PDE4D: variants seen among roughly 807,000 people sequenced by gnomAD.
The protein encoded by PDE4D is 3',5'-cyclic-AMP phosphodiesterase 4D.
Under a neutral mutation model 87.4 loss-of-function variants are expected in PDE4D, and 24 were observed. The ratio of observed to expected loss-of-function variants is 0.27; its 90% CI spans 0.20 to 0.39. PDE4D has a LOEUF of 0.39. Among genes scored for constraint, PDE4D ranks in the 10% least tolerant of loss-of-function variants. The probability of loss-of-function intolerance (pLI) is 1.00; values close to 1 mark genes in which losing one functional copy is unlikely to be tolerated. For missense variants in PDE4D, 714 were observed against 1,041.0 expected (o/e 0.69, Z 4.32); for synonymous variants, 384 against 383.2 (o/e 1.00, Z -0.02).
At chr5:59,356,201 C>G (rs766511399) in intron 1 of PDE4D, among the ~76,000 whole-genome samples, 1 of 152,116 alleles carries the variant, frequency 6.6e-6, no homozygotes, top group African/African-American at 2.4e-5. Context: ...TGTTGTAAAA[C>G]AGTCATTGAC....
At chr5:59,867,087 T>C (rs925201010) in intron 1 of PDE4D, among the ~76,000 whole-genome samples, 1 of 152,162 alleles carries the variant, frequency 6.6e-6, no homozygotes, top group African/African-American at 2.4e-5. Context: ...ACAGGTCACC[T>C]ATATCTGGGA....
intron 3 of PDE4D, among the ~76,000 whole-genome samples, chr5:59,930,117 G>A (rs1406684890): frequency 5.2e-5 from 7 of 134,072 alleles, no homozygotes; most frequent in South Asian, 2.6e-4. Context: ...AGCCGAGATC[G>A]TGCCACTGCA....
chr5:60,013,662 T>C (rs137903643), intron 2 of PDE4D, among the ~76,000 whole-genome samples: 1 of 152,296 alleles, frequency 6.6e-6, no homozygotes. Flanking sequence ...GTGTGAGAGA[T>C]TGTTATATGG....
At chr5:60,415,587 C>T (rs1048515757) in intron 1 of PDE4D, among the ~76,000 whole-genome samples, 3 of 152,222 alleles carry the variant, frequency 2.0e-5, no homozygotes, top group African/African-American at 7.2e-5. Flanking sequence ...CAGTGAGGGG[C>T]TTAGCACCTG....
At chr5:59,029,617 T>A (rs1397150209) in intron 6 of PDE4D, among the ~76,000 whole-genome samples, 4 of 151,962 alleles carry the variant, frequency 2.6e-5, no homozygotes, top group Non-Finnish European at 5.9e-5. Context: ...TTCAATGCAG[T>A]TCCTCTATTG....
chr5:59,380,241 T>G (rs1582257864), intron 1 of PDE4D, among the ~76,000 whole-genome samples: 2 of 151,706 alleles, frequency 1.3e-5, no homozygotes, highest in African/African-American at 4.8e-5. Context: ...CACAACATAA[T>G]TCAAAATAAC....
chr5:59,926,921 A>G (rs1755354971), intron 3 of PDE4D, among the ~76,000 whole-genome samples: 1 of 152,206 alleles, frequency 6.6e-6, no homozygotes, highest in Non-Finnish European at 1.5e-5. Flanking sequence ...TGATGGCCTC[A>G]CTGCTGCATT....
At chr5:60,425,179 A>G (rs1743576911) in intron 1 of PDE4D, among the ~76,000 whole-genome samples, 1 of 152,162 alleles carries the variant, frequency 6.6e-6, no homozygotes, top group Admixed American at 6.5e-5. Flanking sequence ...AATGGAAAAA[A>G]CTACTTTAAA....
intron 1 of PDE4D, among the ~76,000 whole-genome samples, chr5:59,455,030 AGC>A (rs1799707066): frequency 6.6e-6 from 1 of 152,216 alleles, no homozygotes; most frequent in East Asian, 1.9e-4. Context: ...TTATAAGGGA[AGC>A]AGAGCACAAA....
intron 2 of PDE4D, among the ~76,000 whole-genome samples, chr5:60,003,846 A>C (rs1026983403): frequency 1.3e-5 from 2 of 152,198 alleles, no homozygotes; most frequent in Non-Finnish European, 2.9e-5. Flanking sequence ...AGAACAATGG[A>C]ACAGAATAGA....
In PDE4D at chr5:59,802,555, C is replaced by T. The variant is rs529528678; in HGVS notation, c.455+90613G>A. On this transcript the variant is annotated intron_variant, in intron 1 of 14. Transcript: ENST00000340635. The stretch of plus-strand genomic sequence containing the variant: ...CTGGGATTACAGGTGCAAACCACCA[C>T]GCTCAGCTAATTTTTGTATTTTTAG... 1.4e-4 allele frequency among the ~76,000 whole-genome samples: 22 copies of T among 151,926 alleles called. 1 individual carries two copies. Among genetic ancestry groups the T allele is most frequent in the African/African-American group, 3.9e-4 (16 of 41,426 alleles).
intron 6 of PDE4D, 28 bp downstream of exon 6, chr5:59,038,831 C>A (rs776954043): frequency 6.9e-7 from 1 of 1,455,842 alleles, no homozygotes; most frequent in Non-Finnish European, 9.1e-7. Context: ...AGCCTGGGGG[C>A]ACCAGTGACA....
chr5:59,890,198 C>T (rs1157831684), intron 1 of PDE4D, among the ~76,000 whole-genome samples: 1 of 151,208 alleles, frequency 6.6e-6, no homozygotes, highest in East Asian at 2.0e-4. Flanking sequence ...GAGACATTAA[C>T]TTGATAGACT....
chr5:60,450,468 A>G (rs2150150611), intron 1 of PDE4D, among the ~76,000 whole-genome samples: 1 of 152,246 alleles, frequency 6.6e-6, no homozygotes, highest in Non-Finnish European at 1.5e-5. Context: ...TAGTTGTTTT[A>G]CTTGGAGAAG....
intron 2 of PDE4D, among the ~76,000 whole-genome samples, chr5:60,088,090 T>C (rs1407788155): frequency 6.6e-6 from 1 of 152,050 alleles, no homozygotes; most frequent in Non-Finnish European, 1.5e-5. Flanking sequence ...AGAAGTGAGA[T>C]GCTATATTCA....
chr5:59,091,051 A>G lies in PDE4D; in HGVS notation c.809-52080T>C, dbSNP rs527623092. ...AACAACAAAAACAAATACAATTCAA[A>G]TATCTACTAAACATATGAAGGAGTA... is the stretch of plus-strand genomic sequence containing the variant. On this transcript the variant is annotated intron_variant, in intron 5 of 14. Transcript: ENST00000340635. The G allele has an allele frequency of 3.5e-5, 15 of 433,280 alleles. 1 individual carries two copies. Among genetic ancestry groups the G allele is most frequent in the South Asian group, 2.2e-4 (13 of 59,222 alleles). 26.8% of individuals were successfully genotyped at this position (433,280 alleles called of 1,614,324 possible).
intron 2 of PDE4D, among the ~76,000 whole-genome samples, chr5:60,102,314 G>T (rs537702538): frequency 1.8e-4 from 28 of 151,930 alleles, no homozygotes; most frequent in Non-Finnish European, 3.5e-4. Context: ...TGTTACATGG[G>T]AGTATTGTGT....
chr5:59,178,621 C>T (rs1443947715), intron 5 of PDE4D, among the ~76,000 whole-genome samples: 1 of 152,148 alleles, frequency 6.6e-6, no homozygotes, highest in African/African-American at 2.4e-5. Context: ...GATGGCTGGG[C>T]AGCTGCCCTG....
chr5:60,315,135 T>A (rs1018874194), intron 1 of PDE4D, among the ~76,000 whole-genome samples: 3 of 152,172 alleles, frequency 2.0e-5, no homozygotes, highest in African/African-American at 7.2e-5. Flanking sequence ...CTCCACATCC[T>A]CTCCAGCACC....
Sources: allele counts gnomAD v4.1 joint callset (sites outside exome capture counted in the v4.1 genomes callset), GRCh38; gene constraint gnomAD v4.1.1; transcripts MANE v1.5; gene names NCBI Gene and HGNC (gene_info 2026-07-23, HGNC 2026-07-21).